MAP4K5: variants seen among roughly 807,000 people sequenced by gnomAD.
MAP4K5 encodes mitogen-activated protein kinase kinase kinase kinase 5, also known as MAPK/ERK kinase kinase kinase 5.
MAP4K5 carries 82 observed loss-of-function variants against 135.6 expected under a neutral mutation model. That is an observed-to-expected ratio of 0.60 (90% CI 0.51 to 0.73). MAP4K5 has a LOEUF of 0.73. MAP4K5 is among the 30% of genes least tolerant of loss of function. The pLI, the probability that MAP4K5 is intolerant of heterozygous loss-of-function variation, is 0.00. For synonymous variants in MAP4K5, 347 were observed against 335.0 expected (o/e 1.04, Z -0.39); for missense variants, 907 against 1,010.9 (o/e 0.90, Z 1.39).
At chr14:50,517,093 T>G (rs2038048813) in intron 2 of MAP4K5, among the ~76,000 whole-genome samples, 1 of 152,108 alleles carries the variant, frequency 6.6e-6, no homozygotes, top group Non-Finnish European at 1.5e-5. Context: ...GTTATAACAT[T>G]AGATTCATGA....
chr14:50,560,504 A>C (rs2038825464), intron 1 of MAP4K5: 3 of 650,976 alleles, frequency 4.6e-6, no homozygotes, highest in Non-Finnish European at 7.9e-6. Context: ...TGTCGGGGTG[A>C]GGGCTGCAGC....
At chr14:50,493,971 G>A (rs1363065856) in intron 3 of MAP4K5, among the ~76,000 whole-genome samples, 4 of 150,538 alleles carry the variant, frequency 2.7e-5, no homozygotes, top group Non-Finnish European at 5.9e-5. Flanking sequence ...CTGGGCGACA[G>A]AGTGAGAATC....
intron 20 of MAP4K5, among the ~76,000 whole-genome samples, chr14:50,443,221 A>G (rs2139710091): frequency 6.6e-6 from 1 of 152,330 alleles, no homozygotes; most frequent in East Asian, 1.9e-4. Flanking sequence ...TGATATTTAT[A>G]TTATACATTA....
rs1205797660 is a variant in MAP4K5, at chr14:50,444,030, C to T, written c.1346G>A (p.Gly449Asp). 5 of 1,595,994 alleles carry T rather than the reference C, an allele frequency of 3.1e-6. No homozygotes were observed. The highest frequency in any genetic ancestry group is 1.7e-4 in the Middle Eastern group (1 of 6,054). ...ACTCATCAGTTTTGAAATACCATCA[C>T]CATTTCCTAAAGAGAATCATGTTAA... is the stretch of plus-strand genomic sequence containing the variant. ...PVAETSSIGN[G>D]DGISKLMSEN... Residue 449 changes from glycine to aspartate, a missense_variant, in exon 19 of 33, where the codon GGT becomes GAT. Coordinates refer to ENST00000682126, the MANE Select transcript of MAP4K5 (RefSeq NM_006575.6).
Position 50,440,051 on chromosome 14 carries a change from C to T in MAP4K5, c.1667G>A (p.Trp556Ter). The T allele has an allele frequency of 6.5e-7, 1 of 1,540,136 alleles. No homozygotes were observed. The highest frequency in any genetic ancestry group is 8.9e-7 in the Non-Finnish European group (1 of 1,127,570). The change falls in exon 23 of 33, where the codon TGG becomes TAG. Residue 556 changes from tryptophan (W) to a stop codon, truncating the protein, a stop_gained. Transcript: ENST00000682126. LOFTEE classifies it high-confidence loss of function. ...MEQLFPRKCT[W>*]LYVINNTLMS... ...TAAAGTATTATTGATAACATACAGCCAAGTACACTTCCGTGGAAATAACTA... is the reference window on the plus strand; with the variant it reads ...TAAAGTATTATTGATAACATACAGCTAAGTACACTTCCGTGGAAATAACTA...
chr14:50,468,576 G>T, intron 10 of MAP4K5, 75 bp downstream of exon 10: 1 of 1,402,600 alleles, frequency 7.1e-7, no homozygotes, highest in Non-Finnish European at 9.9e-7. Context: ...AAATGAGCTT[G>T]ATGCTGAGTT....
Position 50,441,793 on chromosome 14 carries a change from CACACAT to C in MAP4K5, c.1564+933_1564+938del, listed in dbSNP as rs1223527908. On this transcript the variant is annotated intron_variant, in intron 21 of 32. Coordinates refer to ENST00000682126, the MANE Select transcript of MAP4K5 (RefSeq NM_006575.6). ...ACACACACACACACACACACACACA[CACACAT>C]ATATATACCCCCTCTGTCATACTTT... Among the ~76,000 whole-genome samples the C allele has an allele frequency of 3.8e-4, 45 of 119,942 alleles. No individual in the cohort carries two copies. In the South Asian group the frequency reaches 7.5e-3, roughly 20 times the overall value. The allele number at this position is 119,942 out of a possible 152,430, so 78.7% of individuals were successfully genotyped here. A position where few individuals can be genotyped will look rare whatever the true frequency, so the allele number is the denominator to read the frequency against.
intron 3 of MAP4K5, among the ~76,000 whole-genome samples, chr14:50,493,999 A>C (rs1318181004): frequency 1.3e-5 from 2 of 151,820 alleles, no homozygotes; most frequent in African/African-American, 4.8e-5. Flanking sequence ...AAAAAAAACA[A>C]AAACAAAAAC....
intron 10 of MAP4K5, 165 bp downstream of exon 10, chr14:50,468,486 C>T (rs2036882665): frequency 4.8e-6 from 3 of 623,498 alleles, no homozygotes; most frequent in Non-Finnish European, 8.1e-6. Context: ...AGGTAACTAC[C>T]TTCGGACTAG....
At chr14:50,525,560 A>G (rs900785434) in intron 2 of MAP4K5, among the ~76,000 whole-genome samples, 2 of 152,164 alleles carry the variant, frequency 1.3e-5, no homozygotes, top group African/African-American at 4.8e-5. Context: ...TAGTCCGGGC[A>G]CAGTGTACTC....
chr14:50,537,242 C>T (rs1391225135), upstream of MAP4K5, among the ~76,000 whole-genome samples: 1 of 152,218 alleles, frequency 6.6e-6, no homozygotes, highest in Non-Finnish European at 1.5e-5. Flanking sequence ...AGGGTGCAAG[C>T]CTCCAGCCTT....
chr14:50,443,887 T>A (rs1203069441), intron 19 of MAP4K5, 52 bp downstream of exon 19: 1 of 1,478,624 alleles, frequency 6.8e-7, no homozygotes, highest in African/African-American at 1.4e-5. Context: ...GCCCCTTGCA[T>A]GATAAATATA....
At chr14:50,473,559 G>T (rs2037020944) in intron 9 of MAP4K5, among the ~76,000 whole-genome samples, 1 of 151,794 alleles carries the variant, frequency 6.6e-6, no homozygotes, top group South Asian at 2.1e-4. Flanking sequence ...TTTTTTACTT[G>T]CCTTTTAATT....
intron 2 of MAP4K5, among the ~76,000 whole-genome samples, chr14:50,508,261 T>G (rs561754247): frequency 6.6e-6 from 1 of 152,190 alleles, no homozygotes; most frequent in East Asian, 1.9e-4. Context: ...TAAAGACACA[T>G]GCACACATAT....
chr14:50,424,649 G>T (rs1323997031), intron 31 of MAP4K5, among the ~76,000 whole-genome samples: 1 of 147,320 alleles, frequency 6.8e-6, no homozygotes, highest in Non-Finnish European at 1.5e-5. Context: ...GGTGGAGGTT[G>T]CAGTGAGCTG....
intron 1 of MAP4K5, among the ~76,000 whole-genome samples, chr14:50,545,361 C>T (rs546082719): frequency 9.2e-4 from 140 of 152,216 alleles, no homozygotes; most frequent in Non-Finnish European, 1.8e-3. Context: ...CTGGGCTTTT[C>T]TTATAACAAT....
intron 2 of MAP4K5, among the ~76,000 whole-genome samples, chr14:50,518,971 T>C (rs570639049): frequency 2.6e-5 from 4 of 152,278 alleles, no homozygotes; most frequent in African/African-American, 9.6e-5. Flanking sequence ...TTAGGAAATT[T>C]AGCTCTAGAA....
intron 2 of MAP4K5, among the ~76,000 whole-genome samples, chr14:50,521,471 A>AGAG (rs2038150319): frequency 6.6e-6 from 1 of 152,236 alleles, no homozygotes; most frequent in Non-Finnish European, 1.5e-5. Context: ...TTACAGTGCC[A>AGAG]TCTACTAACA....
At chr14:50,531,790 G>A (rs2038395265) in intron 2 of MAP4K5, among the ~76,000 whole-genome samples, 152 bp downstream of exon 2, 1 of 152,200 alleles carries the variant, frequency 6.6e-6, no homozygotes, top group Admixed American at 6.5e-5. Flanking sequence ...AGTCGAGGGT[G>A]CTCAGAACCG....
Sources: allele counts gnomAD v4.1 joint callset (sites outside exome capture counted in the v4.1 genomes callset), GRCh38; gene constraint gnomAD v4.1.1; transcripts MANE v1.5; gene names NCBI Gene and HGNC (gene_info 2026-07-23, HGNC 2026-07-21).